GOLGA8A: variants seen among roughly 807,000 people sequenced by gnomAD.
The protein encoded by GOLGA8A is golgin subfamily A member 8A.
GOLGA8A carries 3 observed loss-of-function variants against 22.1 expected under a neutral mutation model. The observed-to-expected ratio is 0.14, with a 90% CI of 0.06 to 0.35. The LOEUF (loss-of-function observed/expected upper bound fraction) is 0.35. Among genes scored for constraint, GOLGA8A ranks in the 10% least tolerant of loss-of-function variants. The pLI, the probability that GOLGA8A is intolerant of heterozygous loss-of-function variation, is 1.00. For synonymous variants in GOLGA8A, 7 were observed against 91.7 expected (o/e 0.08, Z 5.28); for missense variants, 16 against 233.2 (o/e 0.07, Z 6.07).
rs141482414 is a variant in GOLGA8A at position 34,436,676 on chromosome 15, C to T, written c.-1212+722G>A. ...GGGCTTACCAAGGCCCGCCGCCCGA[C>T]CCATGGAGCCCTGCTTGGGGACCGG... On this transcript the variant is annotated intron_variant, in intron 1 of 24. Coordinates refer to ENST00000359187, the MANE Select transcript of GOLGA8A (RefSeq NM_181077.5). 2.1e-4 allele frequency among the ~76,000 whole-genome samples: 32 copies of T among 149,736 alleles called. 4 individuals are homozygous for T. In the East Asian group the frequency reaches 6.1e-3, roughly 29 times the overall value.
rs1893115904 is a variant in GOLGA8A at position 34,429,095 on chromosome 15, T to C, written c.-1123+6288A>G. 2.2e-5 allele frequency among the ~76,000 whole-genome samples: 3 copies of C among 136,542 alleles called. No individual in the cohort carries two copies. In the South Asian group the frequency reaches 7.4e-4, roughly 34 times the overall value. The allele number at this position is 136,542 out of a possible 152,430, so 89.6% of individuals were successfully genotyped here. A position where few individuals can be genotyped will look rare whatever the true frequency, so the allele number is the denominator to read the frequency against. On this transcript the variant is annotated intron_variant, in intron 2 of 24. Coordinates refer to ENST00000359187, the MANE Select transcript of GOLGA8A (RefSeq NM_181077.5). ...CCTCACTGCACCCCTCCCCACCCCATGTCACATCTTCTGCTCATACCTCCC... is the reference window on the plus strand; with the variant it reads ...CCTCACTGCACCCCTCCCCACCCCACGTCACATCTTCTGCTCATACCTCCC...
intron 2 of GOLGA8A, among the ~76,000 whole-genome samples, chr15:34,421,542 G>C (rs115750882): frequency 3.5e-5 from 5 of 142,608 alleles, no homozygotes; most frequent in Admixed American, 7.3e-5. Context: ...CAGATTACTC[G>C]TTTTCAAGCA....
chr15:34,399,256 T>G (rs1891981608), intron 6 of GOLGA8A, 53 bp from the exon 7 acceptor site: 1 of 129,974 alleles, frequency 7.7e-6, no homozygotes, highest in African/African-American at 2.7e-5. Context: ...TATTCCTGCT[T>G]AAACAATTTC....
intron 2 of GOLGA8A, among the ~76,000 whole-genome samples, chr15:34,431,313 ATATATATATATATATATATATAT>A: frequency 2.5e-4 from 1 of 3,994 alleles, no homozygotes; most frequent in African/African-American, 4.9e-4. Context: ...ATATATATAC[ATATATATATATATATATATATAT>A]ATATATATAT....
At chr15:34,436,850 T>C (rs1893541649) in intron 1 of GOLGA8A, among the ~76,000 whole-genome samples, 1 of 149,340 alleles carries the variant, frequency 6.7e-6, no homozygotes. Context: ...GGCAACAAGG[T>C]GTGGGGTTTT....
Position 34,380,938 on chromosome 15 carries a change from C to G in GOLGA8A, c.*473G>C. The G allele has an allele frequency of 3.3e-6, 1 of 302,794 alleles. No homozygotes were observed. Among genetic ancestry groups the G allele is most frequent in the Non-Finnish European group, 6.4e-6 (1 of 157,268 alleles). 18.8% of individuals were successfully genotyped at this position (302,794 alleles called of 1,614,324 possible). ...AAACAGTGCACACTTGAGGGCAAAC[C>G]GCATATTGAGCTATAGAAGAGCTCA... On this transcript the variant is annotated 3_prime_UTR_variant, in exon 25 of 25. Coordinates refer to ENST00000359187, the MANE Select transcript of GOLGA8A (RefSeq NM_181077.5).
intron 1 of GOLGA8A, among the ~76,000 whole-genome samples, 179 bp from the exon 2 acceptor site, chr15:34,435,650 ACT>A (rs1893469990): frequency 6.7e-6 from 1 of 148,400 alleles, no homozygotes; most frequent in Non-Finnish European, 1.5e-5. Flanking sequence ...GCTCACACAC[ACT>A]CACACCCCGT....
rs985640259 is a variant in GOLGA8A, at chr15:34,433,219, A to G, written c.-1123+2164T>C. Among the ~76,000 whole-genome samples, 4 of 149,170 alleles carry G rather than the reference A, an allele frequency of 2.7e-5. 1 individual carries two copies. Among genetic ancestry groups the G allele is most frequent in the Non-Finnish European group, 6.0e-5 (4 of 67,146 alleles). ...AGGAGGCTTCTGGAAGGGAAAGCAG[A>G]GTGGCTGAGAGCCCTGGGACAGAGT... On this transcript the variant is annotated intron_variant, in intron 2 of 24. Transcript: ENST00000359187.
Position 34,426,416 on chromosome 15 carries a change from C to T in GOLGA8A, c.-1123+8967G>A, listed in dbSNP as rs151024399. Among the ~76,000 whole-genome samples the T allele has an allele frequency of 3.4e-3, 503 of 147,102 alleles. 39 individuals are homozygous for T. Among genetic ancestry groups the T allele is most frequent in the Admixed American group, 4.7e-3 (67 of 14,362 alleles). Reference sequence around the variant, plus strand: ...TACGTCCACAGACAGAAAAAGAAAACGGGAGGAATCGCCACCAAACTGTGA... The same window carrying T: ...TACGTCCACAGACAGAAAAAGAAAATGGGAGGAATCGCCACCAAACTGTGA... On this transcript the variant is annotated intron_variant, in intron 2 of 24. Transcript: ENST00000359187.
Position 34,427,303 on chromosome 15 carries a change from C to T in GOLGA8A, c.-1123+8080G>A, listed in dbSNP as rs774213872. Among the ~76,000 whole-genome samples, 27 of 135,450 alleles carry T rather than the reference C, an allele frequency of 2.0e-4. 1 individual carries two copies. The highest frequency in any genetic ancestry group is 7.8e-5 in the Admixed American group (1 of 12,786). 88.9% of individuals were successfully genotyped at this position (135,450 alleles called of 152,430 possible). On this transcript the variant is annotated intron_variant, in intron 2 of 24. Transcript: ENST00000359187. ...CCGAGATTGTGCCACTGCACTCCAG[C>T]CTGGGTGACAGAGTGAGACTCCGTC...
chr15:34,418,223 G>C (rs879948381), intron 2 of GOLGA8A: 4 of 127,164 alleles, frequency 3.1e-5, no homozygotes, highest in African/African-American at 5.7e-5. Flanking sequence ...ATTCACATTA[G>C]AAACAGCTGA....
chr15:34,421,867 G>A (rs1892810361), intron 2 of GOLGA8A, among the ~76,000 whole-genome samples: 1 of 137,980 alleles, frequency 7.2e-6, no homozygotes, highest in African/African-American at 2.6e-5. Flanking sequence ...GGGACCCTCA[G>A]GAAAGTCAGG....
At chr15:34,435,972 G>A (rs562126571) in intron 1 of GOLGA8A, among the ~76,000 whole-genome samples, 1 of 149,394 alleles carries the variant, frequency 6.7e-6, no homozygotes, top group Admixed American at 6.7e-5. Context: ...CTAAGCTCAG[G>A]AGACCCTCTC....
chr15:34,424,969 C>T (rs1470358944), intron 2 of GOLGA8A, among the ~76,000 whole-genome samples: 1 of 144,116 alleles, frequency 6.9e-6, no homozygotes. Context: ...GCGTGGTGGA[C>T]CCCGCTACTT....
At chr15:34,427,437 A>G (rs560447168) in intron 2 of GOLGA8A, among the ~76,000 whole-genome samples, 2 of 149,036 alleles carry the variant, frequency 1.3e-5, no homozygotes, top group East Asian at 2.0e-4. Flanking sequence ...TTAAAGTCCA[A>G]TTGTGGGGAT....
chr15:34,424,076 T>A (rs1892886976), intron 2 of GOLGA8A, among the ~76,000 whole-genome samples: 1 of 148,212 alleles, frequency 6.7e-6, no homozygotes, highest in Admixed American at 6.8e-5. Context: ...AAGGCCCCCA[T>A]GGGTGAGTAC....
At chr15:34,422,712 T>C (rs1892832631) in intron 2 of GOLGA8A, among the ~76,000 whole-genome samples, 1 of 90,472 alleles carries the variant, frequency 1.1e-5, no homozygotes, top group East Asian at 3.0e-4. Flanking sequence ...CTCGTGCGCT[T>C]GTGCGCTCTC....
chr15:34,412,024 GTTTT>G (rs1206230155), intron 2 of GOLGA8A, among the ~76,000 whole-genome samples: 1 of 16,054 alleles, frequency 6.2e-5, no homozygotes, highest in African/African-American at 3.4e-4. Flanking sequence ...CTGGTCCTGG[GTTTT>G]TTTTTTTTTT....
chr15:34,427,287 T>C (rs1893024377), intron 2 of GOLGA8A, among the ~76,000 whole-genome samples: 1 of 132,164 alleles, frequency 7.6e-6, no homozygotes, highest in South Asian at 2.4e-4. Context: ...GCCGAGATTG[T>C]GCCACTGCAC....
Sources: allele counts gnomAD v4.1 joint callset (sites outside exome capture counted in the v4.1 genomes callset), GRCh38; gene constraint gnomAD v4.1.1; transcripts MANE v1.5; gene names NCBI Gene and HGNC (gene_info 2026-07-23, HGNC 2026-07-21).